The following ARRB1 variants were observed in gnomAD, a reference collection of about 807,000 sequenced individuals.
The protein encoded by ARRB1 is arrestin beta 1.
In ARRB1, 21 loss-of-function variants were observed where a neutral mutation model predicts 56.8. That is an observed-to-expected ratio of 0.37 (90% confidence interval 0.26 to 0.53). The LOEUF is 0.53. Among genes scored for constraint, ARRB1 ranks in the 20% least tolerant of loss-of-function variants. The probability of loss-of-function intolerance (pLI) is 0.88; values close to 1 mark genes in which losing one functional copy is unlikely to be tolerated. For synonymous variants in ARRB1, 210 were observed against 218.6 expected (o/e 0.96, Z 0.35); for missense variants, 424 against 553.7 (o/e 0.77, Z 2.35).
chr11:75,345,241 C>T lies in ARRB1; in HGVS notation c.20+6347G>A, dbSNP rs533765767. ...AACAAGCAGTTCTTCTGAAGTGGGG[C>T]TAAAGATGGGGCCAGTCCCAGGAAG... On this transcript the variant is annotated intron_variant, in intron 1 of 15. Coordinates refer to ENST00000420843, the MANE Select transcript of ARRB1 (RefSeq NM_004041.5). Among the ~76,000 whole-genome samples the T allele has an allele frequency of 1.7e-3, 266 of 152,258 alleles. 1 individual carries two copies. The highest frequency in any genetic ancestry group is 6.2e-3 in the African/African-American group (256 of 41,550).
In ARRB1 at chr11:75,266,131, G is replaced by A; in HGVS notation, c.*32C>T. The A allele has an allele frequency of 6.5e-7, 1 of 1,545,282 alleles. No individual in the cohort carries two copies. The highest frequency in any genetic ancestry group is 1.4e-5 in the African/African-American group (1 of 73,670). On this transcript the variant is annotated 3_prime_UTR_variant, in exon 16 of 16. Coordinates refer to ENST00000420843, the MANE Select transcript of ARRB1 (RefSeq NM_004041.5). ...AAGCATCCGAGTGCACGAGAGTGGA[G>A]CCGGAGCCACGTGGAGGCAGGGCCG...
intron 10 of ARRB1, 39 bp from the exon 11 acceptor site, chr11:75,274,250 C>G: frequency 6.2e-7 from 1 of 1,609,560 alleles, no homozygotes; most frequent in South Asian, 1.1e-5. Flanking sequence ...TGGCCCTCCC[C>G]AGAGCCAACC....
chr11:75,285,502 G>A (rs35110913), intron 3 of ARRB1, among the ~76,000 whole-genome samples: 5,856 of 152,328 alleles, frequency 0.038, 417 homozygotes, highest in African/African-American at 0.13. Flanking sequence ...TGGAAGAGGA[G>A]GGCCAGGATG....
chr11:75,312,214 G>A, intron 1 of ARRB1: 1 of 1,173,916 alleles, frequency 8.5e-7, no homozygotes. Flanking sequence ...CCCTAGGAAT[G>A]ATGGGAAATG....
chr11:75,310,311 G>T (rs865798399), intron 1 of ARRB1, among the ~76,000 whole-genome samples: 1 of 152,136 alleles, frequency 6.6e-6, no homozygotes, highest in Non-Finnish European at 1.5e-5. Context: ...ATGTAACCTG[G>T]GTTCAACATA....
intron 1 of ARRB1, among the ~76,000 whole-genome samples, chr11:75,342,790 A>T (rs1947710729): frequency 6.6e-6 from 1 of 152,300 alleles, no homozygotes; most frequent in South Asian, 2.1e-4. Context: ...GTAGACAGAG[A>T]GGCGCAGCAG....
intron 2 of ARRB1, 89 bp downstream of exon 2, chr11:75,289,920 A>G (rs1946565131): frequency 6.3e-7 from 1 of 1,580,728 alleles, no homozygotes. Flanking sequence ...TGTGCATTTC[A>G]GGGGACATGC....
At position 75,290,006 on chromosome 11, in the gene ARRB1, C is replaced by T; in HGVS notation, c.51+3G>A. 1 of 1,614,200 alleles carries T rather than the reference C, an allele frequency of 6.2e-7. No homozygotes were observed. Among genetic ancestry groups the T allele is most frequent in the Non-Finnish European group, 8.5e-7 (1 of 1,180,038 alleles). ...GCGCTGGGCGCAGCTGTTACAGACT[C>T]ACCTTTCCATTTGGACTGGCCTTCT... On this transcript the variant is annotated splice_donor_region_variant and intron_variant, in intron 2 of 15. Transcript: ENST00000420843.
rs113494468 is a variant in ARRB1 at position 75,321,265 on chromosome 11, AC to A, written c.20+30322del. Among the ~76,000 whole-genome samples, 166 of 52,304 alleles carry A rather than the reference AC, an allele frequency of 3.2e-3. 1 individual carries two copies. The highest frequency in any genetic ancestry group is 8.5e-3 in the African/African-American group (133 of 15,704). The allele number at this position is 52,304 out of a possible 152,430, so 34.3% of individuals were successfully genotyped here. A position where few individuals can be genotyped will look rare whatever the true frequency, so the allele number is the denominator to read the frequency against. ...AGAAAATCCCACCCCATTCCTGCTC[AC>A]CCCCCCCCACCACCATCCCCCCACC... On this transcript the variant is annotated intron_variant, in intron 1 of 15. Transcript: ENST00000420843.
At position 75,271,740 on chromosome 11, in the gene ARRB1, G is replaced by A; in HGVS notation, c.999-16C>T. 1 of 1,570,752 alleles carries A rather than the reference G, an allele frequency of 6.4e-7. No individual in the cohort carries two copies. ...TCCCAACAGGCTGGGTGGGTCAGAG[G>A]AGGCAGGAGAAGTGGTCAGGAGAGA... On this transcript the variant is annotated splice_polypyrimidine_tract_variant and intron_variant, in intron 12 of 15. Transcript: ENST00000420843.
chr11:75,351,579 T>C lies in ARRB1; in HGVS notation c.20+9A>G. ...CGCGCCCCCCGCCGGGCGGCCGCCC[T>C]GCACTCACCGGGTCCCTTTGTCGCC... On this transcript the variant is annotated intron_variant, in intron 1 of 15. Coordinates refer to ENST00000420843, the MANE Select transcript of ARRB1 (RefSeq NM_004041.5). 1 of 1,487,550 alleles carries C rather than the reference T, an allele frequency of 6.7e-7. No individual in the cohort carries two copies. The highest frequency in any genetic ancestry group is 1.5e-5 in the African/African-American group (1 of 68,290). 92.1% of individuals were successfully genotyped at this position (1,487,550 alleles called of 1,614,324 possible).
chr11:75,287,817 C>G (rs1194589154), intron 2 of ARRB1, among the ~76,000 whole-genome samples: 1 of 152,246 alleles, frequency 6.6e-6, no homozygotes, highest in Non-Finnish European at 1.5e-5. Flanking sequence ...TTCTCCCATG[C>G]AGCCAGGCGG....
intron 1 of ARRB1, among the ~76,000 whole-genome samples, chr11:75,328,386 A>G (rs1192946827): frequency 2.0e-5 from 3 of 152,188 alleles, no homozygotes; most frequent in Admixed American, 1.3e-4. Context: ...CTTTTTGGCT[A>G]TTGTGAATAG....
chr11:75,270,240 G>T (rs1946046809), intron 13 of ARRB1, among the ~76,000 whole-genome samples: 1 of 152,226 alleles, frequency 6.6e-6, no homozygotes, highest in South Asian at 2.1e-4. Context: ...TAGCACTTTG[G>T]GAGGCCAAGG....
intron 1 of ARRB1, among the ~76,000 whole-genome samples, chr11:75,347,266 G>T (rs534639791): frequency 6.6e-6 from 1 of 152,260 alleles, no homozygotes; most frequent in Non-Finnish European, 1.5e-5. Flanking sequence ...CACTCCCAGC[G>T]GCCCCATGAG....
intron 1 of ARRB1, among the ~76,000 whole-genome samples, chr11:75,291,589 G>T (rs563831573): frequency 7.9e-5 from 12 of 152,252 alleles, no homozygotes; most frequent in African/African-American, 2.6e-4. Context: ...CCCCGAGCTG[G>T]GTCTTGGAGC....
chr11:75,300,202 C>CAAAAAAA (rs10557397), intron 1 of ARRB1, among the ~76,000 whole-genome samples: 12 of 87,298 alleles, frequency 1.4e-4, no homozygotes, highest in East Asian at 3.1e-4. Context: ...GACTCTGTCT[C>CAAAAAAA]AAAAAAAAAA....
At chr11:75,333,754 T>C (rs616191) in intron 1 of ARRB1, among the ~76,000 whole-genome samples, 65,219 of 152,056 alleles carry the variant, frequency 0.43, 15,000 homozygotes, top group African/African-American at 0.58. Context: ...GGGTGGGATC[T>C]GAAACCTAGC....
chr11:75,312,222 A>G (rs1451211926), intron 1 of ARRB1: 1 of 1,130,518 alleles, frequency 8.8e-7, no homozygotes, highest in Non-Finnish European at 1.2e-6. Flanking sequence ...ATGATGGGAA[A>G]TGCACCGCCA....
Sources: gnomAD v4.1 joint callset for allele counts (sites outside exome capture counted in the v4.1 genomes callset) on GRCh38, gnomAD v4.1.1 for gene constraint, MANE v1.5 for transcripts, NCBI Gene and HGNC (gene_info 2026-07-23, HGNC 2026-07-21) for gene names.